The following SHROOM3 variants were observed in gnomAD, a reference collection of about 807,000 sequenced individuals.
The protein encoded by SHROOM3 is shroom family member 3.
SHROOM3 carries 47 observed loss-of-function variants against 138.6 expected under a neutral mutation model. The ratio of observed to expected loss-of-function variants is 0.34; its 90% confidence interval spans 0.27 to 0.43. The LOEUF is 0.43. Ranked by LOEUF, SHROOM3 falls within the 20% of genes least tolerant of loss-of-function variation. The pLI, the probability that SHROOM3 is intolerant of heterozygous loss-of-function variation, is 1.00. For synonymous variants in SHROOM3, 1,062 were observed against 1,063.3 expected, an observed-to-expected ratio of 1.00 and a Z score of 0.02; for missense variants, 2,491 against 2,596.5, an observed-to-expected ratio of 0.96 and a Z score of 0.88.
intron 1 of SHROOM3, among the ~76,000 whole-genome samples, chr4:76,528,906 G>C (rs973791274): frequency 6.6e-6 from 1 of 152,118 alleles, no homozygotes; most frequent in Admixed American, 6.5e-5. Flanking sequence ...TGGTTCCTGT[G>C]GTTCCTACAT....
intron 2 of SHROOM3, among the ~76,000 whole-genome samples, chr4:76,588,478 C>T (rs189875620): frequency 4.3e-4 from 65 of 152,272 alleles, no homozygotes; most frequent in Non-Finnish European, 7.1e-4. Flanking sequence ...AAGAAAGCCA[C>T]GCAGCCTCCC....
chr4:76,454,557 T>A lies in SHROOM3; in HGVS notation c.168+18337T>A, dbSNP rs539914940. ...TATGCCGTTATAACACTGTTTTGATTACTGTAGCTTTGTACTAAGTAAATT... is the reference window on the plus strand; with the variant it reads ...TATGCCGTTATAACACTGTTTTGATAACTGTAGCTTTGTACTAAGTAAATT... On this transcript the variant is annotated intron_variant, in intron 1 of 10. Transcript: ENST00000296043. 4.8e-4 allele frequency among the ~76,000 whole-genome samples: 73 copies of A among 152,356 alleles called. 2 individuals are homozygous for A. In the South Asian group the frequency reaches 0.015, roughly 32 times the overall value.
At chr4:76,568,693 C>T (rs953821975) in intron 2 of SHROOM3, among the ~76,000 whole-genome samples, 2 of 152,170 alleles carry the variant, frequency 1.3e-5, no homozygotes, top group African/African-American at 4.8e-5. Context: ...AGGACCCACC[C>T]TTCTCTCTGT....
intron 4 of SHROOM3, among the ~76,000 whole-genome samples, chr4:76,736,478 G>C (rs866124177): frequency 6.6e-6 from 1 of 152,084 alleles, no homozygotes; most frequent in Non-Finnish European, 1.5e-5. Context: ...CTCCGAATAT[G>C]GTTTTTCTAG....
At chr4:76,499,560 A>G (rs745683334) in intron 1 of SHROOM3, among the ~76,000 whole-genome samples, 4 of 152,238 alleles carry the variant, frequency 2.6e-5, no homozygotes, top group African/African-American at 7.2e-5. Context: ...ATTGTGCTAT[A>G]CACTAGAGTT....
rs138904690 is a variant in SHROOM3, at chr4:76,491,274, A to G, written c.168+55054A>G. Among the ~76,000 whole-genome samples, 632 of 152,334 alleles carry G rather than the reference A, an allele frequency of 4.1e-3. 2 individuals carry two copies. The highest frequency in any genetic ancestry group is 0.014 in the African/African-American group (597 of 41,582). On this transcript the variant is annotated intron_variant, in intron 1 of 10. Transcript: ENST00000296043. ...AGAGTAGTGTTAGAATGCTTGTGCC[A>G]TGAATAGAAATGGGGAAATAGGAGA...
Position 76,740,060 on chromosome 4 carries a change from T to C in SHROOM3, c.1887T>C (p.Asp629=), listed in dbSNP as rs1578008067. The change falls in exon 5 of 11, where the codon GAT becomes GAC. Residue 629 remains aspartate, a synonymous_variant. Coordinates refer to ENST00000296043, the MANE Select transcript of SHROOM3 (RefSeq NM_020859.4). The surrounding 1 kb of genome is among the most constrained non-coding windows in gnomAD (Gnocchi z 4.0). ...SSRLSEPWEG[D]FQEDHNANLW... ...GGCTCTCAGAGCCCTGGGAGGGCGA[T>C]TTCCAGGAAGACCACAATGCCAACC... 2 of 1,613,682 alleles carry C rather than the reference T, an allele frequency of 1.2e-6. No individual in the cohort carries two copies. The highest frequency in any genetic ancestry group is 8.5e-7 in the Non-Finnish European group (1 of 1,180,008).
At chr4:76,500,706 A>G (rs891484167) in intron 1 of SHROOM3, among the ~76,000 whole-genome samples, 5 of 152,184 alleles carry the variant, frequency 3.3e-5, no homozygotes, top group African/African-American at 7.2e-5. Context: ...TCTGAGAACT[A>G]TGGAAGTTGG....
intron 2 of SHROOM3, among the ~76,000 whole-genome samples, chr4:76,613,215 T>C (rs990498022): frequency 1.3e-5 from 2 of 152,194 alleles, no homozygotes; most frequent in African/African-American, 4.8e-5. Context: ...GGAACTCTTC[T>C]ACAGTATTTC....
chr4:76,769,048 A>G (rs766007084), intron 9 of SHROOM3, among the ~76,000 whole-genome samples: 36 of 152,192 alleles, frequency 2.4e-4, no homozygotes, highest in Non-Finnish European at 4.4e-4. Context: ...TGATACTGAA[A>G]TAGTACAAAA....
Position 76,739,148 on chromosome 4 carries a change from T to C in SHROOM3, c.975T>C (p.Ser325=), listed in dbSNP as rs1721168362. Residue 325 remains serine (S), a synonymous_variant, in exon 5 of 11, where the codon TCT becomes TCC. Coordinates refer to ENST00000296043, the MANE Select transcript of SHROOM3 (RefSeq NM_020859.4). ...TCTCAGCAGAGTATGAGGTGAACTC[T>C]TCAGCCCTGCTGCTTCAAGGTAGGG... ...RGVSAEYEVN[S]SALLLQGREA... 6.2e-7 allele frequency: 1 copy of C among 1,614,200 alleles called. No individual in the cohort carries two copies.
chr4:76,593,963 A>C (rs763178488), intron 2 of SHROOM3, among the ~76,000 whole-genome samples: 1 of 152,234 alleles, frequency 6.6e-6, no homozygotes, highest in African/African-American at 2.4e-5. Context: ...ATCAGTGGGC[A>C]GAGTGGACTG....
chr4:76,659,241 C>T (rs1736132477), intron 2 of SHROOM3, among the ~76,000 whole-genome samples: 1 of 152,154 alleles, frequency 6.6e-6, no homozygotes. Flanking sequence ...CTCTTCCTCA[C>T]TAGAGAGCCT....
chr4:76,488,264 A>G (rs565996794), intron 1 of SHROOM3, among the ~76,000 whole-genome samples: 1 of 152,206 alleles, frequency 6.6e-6, no homozygotes, highest in Non-Finnish European at 1.5e-5. Context: ...AACGTTACAC[A>G]TAGTTGTAGT....
chr4:76,735,527 A>G (rs2110130961), intron 4 of SHROOM3, among the ~76,000 whole-genome samples: 1 of 152,158 alleles, frequency 6.6e-6, no homozygotes, highest in South Asian at 2.1e-4. Context: ...TTTCATATTT[A>G]TAGATACCAT....
intron 2 of SHROOM3, among the ~76,000 whole-genome samples, chr4:76,599,594 C>T (rs1577910205): frequency 2.0e-5 from 3 of 152,206 alleles, no homozygotes; most frequent in Non-Finnish European, 2.9e-5. Flanking sequence ...TTCTTTCTGT[C>T]TCCCTGTGCT....
chr4:76,585,070 C>T (rs371626103), intron 2 of SHROOM3, among the ~76,000 whole-genome samples: 37 of 152,296 alleles, frequency 2.4e-4, no homozygotes, highest in African/African-American at 7.5e-4. Flanking sequence ...CAGGAACAAT[C>T]TTTCAATAAA....
intron 2 of SHROOM3, chr4:76,644,248 T>G (rs1416209911): frequency 6.6e-6 from 1 of 150,580 alleles, no homozygotes; most frequent in African/African-American, 2.5e-5. Context: ...ACATGCTTTT[T>G]CTTTTTCTTT....
At chr4:76,608,889 T>C (rs1162144108) in intron 2 of SHROOM3, among the ~76,000 whole-genome samples, 4 of 152,202 alleles carry the variant, frequency 2.6e-5, no homozygotes, top group African/African-American at 4.8e-5. Context: ...GGTGAGTTAA[T>C]ACATGTAAAG....
Sources: allele counts gnomAD v4.1 joint callset (sites outside exome capture counted in the v4.1 genomes callset), GRCh38; gene constraint gnomAD v4.1.1; non-coding constraint Gnocchi (gnomAD v3.1); transcripts MANE v1.5; gene names NCBI Gene and HGNC (gene_info 2026-07-23, HGNC 2026-07-21).